The following FBXW11 variants were observed in gnomAD, a reference collection of about 807,000 sequenced individuals.
FBXW11 encodes F-box/WD repeat-containing protein 11.
In FBXW11, 19 loss-of-function variants were observed where a neutral mutation model predicts 77.6. That is an observed-to-expected ratio of 0.24 (90% CI 0.17 to 0.36). FBXW11 has a LOEUF of 0.36. FBXW11 is among the 10% of genes least tolerant of loss of function. The pLI, the probability that FBXW11 is intolerant of heterozygous loss-of-function variation, is 1.00. For synonymous variants in FBXW11, 235 were observed against 249.4 expected (o/e 0.94, Z 0.54); for missense variants, 334 against 704.2 (o/e 0.47, Z 5.95).
intron 2 of FBXW11, among the ~76,000 whole-genome samples, chr5:171,952,447 A>ATATATATATATATTTTTTTT (rs1200841290): frequency 7.2e-4 from 5 of 6,944 alleles, no homozygotes; most frequent in Non-Finnish European, 9.5e-4. Flanking sequence ...ATATATATAT[A>ATATATATATATATTTTTTTT]TTTTTTTTTT....
rs1356761059 is a variant in FBXW11, at chr5:172,006,615, T to A, written c.-113A>T. On this transcript the variant is annotated 5_prime_UTR_variant, in exon 1 of 14. Coordinates refer to ENST00000517395, the MANE Select transcript of FBXW11 (RefSeq NM_001378974.1). ...AGGCGGCTATCGCACCCACTCTAGC[T>A]GCCAGCCCGCCCGGGCCGCCGGCAG... 11 of 1,305,446 alleles carry A rather than the reference T, an allele frequency of 8.4e-6. No homozygotes were observed. In the Admixed American group the frequency reaches 2.5e-4, roughly 30 times the overall value. The allele number at this position is 1,305,446 out of a possible 1,614,324, so 80.9% of individuals were successfully genotyped here.
chr5:172,005,598 A>G (rs1388793805), intron 1 of FBXW11, among the ~76,000 whole-genome samples: 1 of 152,090 alleles, frequency 6.6e-6, no homozygotes, highest in Non-Finnish European at 1.5e-5. Context: ...CCTGGCTGCC[A>G]GTGGTTTCTA....
intron 2 of FBXW11, among the ~76,000 whole-genome samples, chr5:171,952,447 A>ATATATATATATATATATATATTTTT (rs1200841290): frequency 2.9e-4 from 2 of 6,946 alleles, no homozygotes; most frequent in Non-Finnish European, 6.3e-4. Context: ...ATATATATAT[A>ATATATATATATATATATATATTTTT]TTTTTTTTTT....
At chr5:171,870,457 C>A (rs1757689716) in intron 11 of FBXW11, among the ~76,000 whole-genome samples, 1 of 151,978 alleles carries the variant, frequency 6.6e-6, no homozygotes, top group Non-Finnish European at 1.5e-5. Context: ...AAGTCAATAC[C>A]CCCACATCAA....
chr5:171,900,215 TC>T, intron 4 of FBXW11, 115 bp from the exon 5 acceptor site: 1 of 884,778 alleles, frequency 1.1e-6, no homozygotes, highest in Non-Finnish European at 1.7e-6. Context: ...AATATTTTAG[TC>T]ATATCAAAAG....
At chr5:171,931,857 CTCCCTCTCTCT>C (rs1762218911) in intron 2 of FBXW11, among the ~76,000 whole-genome samples, 1 of 4,948 alleles carries the variant, frequency 2.0e-4, no homozygotes, top group African/African-American at 4.8e-4. Flanking sequence ...CCCTCCCTCC[CTCCCTCTCTCT>C]CTCTCTCTCT....
intron 1 of FBXW11, among the ~76,000 whole-genome samples, chr5:171,986,061 C>T (rs1342832927): frequency 6.6e-6 from 1 of 152,218 alleles, no homozygotes; most frequent in Non-Finnish European, 1.5e-5. Flanking sequence ...TACTACTGAG[C>T]TCCAATTTTC....
intron 1 of FBXW11, among the ~76,000 whole-genome samples, chr5:171,990,164 GA>G (rs1482845748): frequency 3.3e-5 from 5 of 151,666 alleles, no homozygotes; most frequent in South Asian, 4.2e-4. Context: ...GAAGAGAAGG[GA>G]GGGGGGTAGC....
chr5:171,885,413 C>T (rs932646964), intron 7 of FBXW11, among the ~76,000 whole-genome samples: 4 of 152,110 alleles, frequency 2.6e-5, no homozygotes, highest in Admixed American at 6.5e-5. Context: ...TTCAGGTTAC[C>T]CTACCCAGGC....
rs148092062 is a variant in FBXW11, at chr5:171,879,983, T to C, written c.853-1854A>G. ...TTTCTTTCATGGGTCATGGCTTTGG[T>C]ATTATATCTAAAAAGTCATCAACAA... On this transcript the variant is annotated intron_variant, in intron 7 of 13. Transcript: ENST00000517395. 3.3e-3 allele frequency among the ~76,000 whole-genome samples: 501 copies of C among 152,332 alleles called. 2 individuals carry two copies. The highest frequency in any genetic ancestry group is 5.2e-3 in the Non-Finnish European group (351 of 68,010).
In FBXW11 at chr5:171,869,420, C is replaced by G. The variant is rs1230686470; in HGVS notation, c.1530+309G>C. 6.6e-6 allele frequency among the ~76,000 whole-genome samples: 1 copy of G among 151,924 alleles called. No homozygotes were observed. Among genetic ancestry groups the G allele is most frequent in the Non-Finnish European group, 1.5e-5 (1 of 67,966 alleles). ...TTATTAAAACATAACCACAAATAGC[C>G]ATATTAAGAAATCTTCCAAACCTAC... On this transcript the variant is annotated intron_variant, in intron 12 of 13. Coordinates refer to ENST00000517395, the MANE Select transcript of FBXW11 (RefSeq NM_001378974.1). This position sits in a 1 kb window ranked among gnomAD's most constrained non-coding sequence, Gnocchi z 4.1.
intron 1 of FBXW11, among the ~76,000 whole-genome samples, chr5:171,958,198 G>A (rs891596393): frequency 5.3e-5 from 8 of 152,254 alleles, no homozygotes; most frequent in South Asian, 2.1e-4. Flanking sequence ...TAAGTGATTC[G>A]CGCAAGGACA....
At chr5:171,910,492 T>C in intron 4 of FBXW11, 80 bp downstream of exon 4, 1 of 910,640 alleles carries the variant, frequency 1.1e-6, no homozygotes, top group Non-Finnish European at 1.7e-6. Flanking sequence ...ACTCATTCAA[T>C]CATTTCATAA....
chr5:171,959,004 C>T (rs1026034867), intron 1 of FBXW11, among the ~76,000 whole-genome samples: 39 of 151,532 alleles, frequency 2.6e-4, no homozygotes, highest in African/African-American at 8.7e-4. Flanking sequence ...AACTGCAATA[C>T]AAACAAAGAT....
chr5:171,996,551 T>G (rs1766062740), intron 1 of FBXW11, among the ~76,000 whole-genome samples: 1 of 152,158 alleles, frequency 6.6e-6, no homozygotes, highest in Non-Finnish European at 1.5e-5. Context: ...TGGTCCCAGC[T>G]ACCTGAGAGG....
At chr5:171,920,110 C>T (rs1202099631) in intron 2 of FBXW11, among the ~76,000 whole-genome samples, 4 of 151,948 alleles carry the variant, frequency 2.6e-5, no homozygotes, top group Admixed American at 1.3e-4. Context: ...TTGCAGTGAG[C>T]GAAGATCGCA....
Position 172,006,476 on chromosome 5 carries a change from G to C in FBXW11, c.27C>G (p.Asp9Glu), listed in dbSNP as rs1263833578. The change falls in exon 1 of 14, where the codon GAC becomes GAG. Residue 9 changes from aspartate (D) to glutamate (E), a missense_variant. Asp to Glu is a conservative substitution (Grantham distance 45). Coordinates refer to ENST00000517395, the MANE Select transcript of FBXW11 (RefSeq NM_001378974.1). ...CACTCACCATGAGCTCGATGGTCTT[G>C]TCCTCAATCACCGAGTCGGGCTCCA... MEPDSVIE[D>E]KTIELMCSVP... is the part of the protein sequence containing the mutation. 6.4e-7 allele frequency: 1 copy of C among 1,554,982 alleles called. No individual in the cohort carries two copies. The highest frequency in any genetic ancestry group is 1.9e-5 in the Admixed American group (1 of 52,748).
At chr5:171,890,434 G>A (rs1033630110) in intron 7 of FBXW11, among the ~76,000 whole-genome samples, 1 of 151,190 alleles carries the variant, frequency 6.6e-6, no homozygotes, top group East Asian at 1.9e-4. Flanking sequence ...GAGGTAGGAC[G>A]GCAGGAGAAT....
chr5:171,974,705 G>A (rs1156704335), intron 1 of FBXW11, among the ~76,000 whole-genome samples: 1 of 152,084 alleles, frequency 6.6e-6, no homozygotes, highest in Non-Finnish European at 1.5e-5. Context: ...ACTTCAGCCT[G>A]GGCAACATAA....
Sources: allele counts gnomAD v4.1 joint callset (sites outside exome capture counted in the v4.1 genomes callset), GRCh38; gene constraint gnomAD v4.1.1; non-coding constraint Gnocchi (gnomAD v3.1); transcripts MANE v1.5; gene names NCBI Gene and HGNC (gene_info 2026-07-23, HGNC 2026-07-21).